Variants in GREB1 observed in about 807,000 individuals in gnomAD.
GREB1 encodes growth regulating estrogen receptor binding 1.
Under a neutral mutation model 200.7 loss-of-function variants are expected in GREB1, and 106 were observed. The ratio of observed to expected loss-of-function variants is 0.53; its 90% CI spans 0.45 to 0.62. GREB1 has a LOEUF of 0.62. GREB1 is among the 20% of genes least tolerant of loss of function. The pLI, the probability that GREB1 is intolerant of heterozygous loss-of-function variation, is 0.00. For synonymous variants in GREB1, 1,132 were observed against 1,092.4 expected, an observed-to-expected ratio of 1.04 and a Z score of -0.72; for missense variants, 2,243 against 2,556.8, an observed-to-expected ratio of 0.88 and a Z score of 2.65.
intron 25 of GREB1, among the ~76,000 whole-genome samples, chr2:11,628,111 G>A (rs1572193422): frequency 1.3e-5 from 2 of 152,190 alleles, no homozygotes; most frequent in African/African-American, 2.4e-5. Flanking sequence ...GGGGAGGAAC[G>A]AGGACTCTCT....
At position 11,585,168 on chromosome 2, in the gene GREB1, G is replaced by A. The variant is rs144245281; in HGVS notation, c.909G>A (p.Leu303=). ...ALPRPSALGI[L]SNSGPPKKRH... ...ACTCTGAATATTGTCTAGGTATCTTGTCAAACTCCGGGCCCCCCAAAAAAC... is the reference window on the plus strand; with the variant it reads ...ACTCTGAATATTGTCTAGGTATCTTATCAAACTCCGGGCCCCCCAAAAAAC... The change falls in exon 8 of 33, where the codon TTG becomes TTA. Residue 303 remains leucine (L), a synonymous_variant. Transcript: ENST00000381486. 2,606 of 1,562,232 alleles carry A rather than the reference G, an allele frequency of 1.7e-3. 4 individuals carry two copies. The highest frequency in any genetic ancestry group is 2.1e-3 in the Non-Finnish European group (2,422 of 1,157,002).
rs756303301 is a variant in GREB1 at position 11,640,242 on chromosome 2, G to A, written c.5687-49G>A. 6.4e-7 allele frequency: 1 copy of A among 1,570,766 alleles called. No individual in the cohort carries two copies. The highest frequency in any genetic ancestry group is 1.9e-5 in the Admixed American group (1 of 53,182). On this transcript the variant is annotated intron_variant, in intron 32 of 32. Transcript: ENST00000381486. The surrounding 1 kb of genome is among the most constrained non-coding windows in gnomAD (Gnocchi z 4.6). ...AGAATCCGGGCAGCCGCTTTCCTCT[G>A]GATAAACTCACCTTTTCCCTTCCCA...
In GREB1 at chr2:11,635,452, C is replaced by T. The variant is rs372671389; in HGVS notation, c.5346+47C>T. ...AGGCCTCTATGTCCACCGCCTGGGCCGCCCTGGCACACACACTGAGGGTAG... is the reference window on the plus strand; with the variant it reads ...AGGCCTCTATGTCCACCGCCTGGGCTGCCCTGGCACACACACTGAGGGTAG... On this transcript the variant is annotated intron_variant, in intron 30 of 32. Transcript: ENST00000381486. 176 of 1,560,764 alleles carry T rather than the reference C, an allele frequency of 1.1e-4. 1 individual carries two copies. Among genetic ancestry groups the T allele is most frequent in the East Asian group, 5.2e-4 (23 of 44,392 alleles).
chr2:11,520,425 A>C (rs1438198668), intron 1 of GREB1, among the ~76,000 whole-genome samples: 1 of 152,078 alleles, frequency 6.6e-6, no homozygotes, highest in Non-Finnish European at 1.5e-5. Flanking sequence ...CTCCAGGAGG[A>C]ATCTGTTTCC....
In GREB1 at chr2:11,600,517, C is replaced by T. The variant is rs554790240; in HGVS notation, c.2334-283C>T. On this transcript the variant is annotated intron_variant, in intron 15 of 32. Coordinates refer to ENST00000381486, the MANE Select transcript of GREB1 (RefSeq NM_014668.4). ...ATGGAACATCCCCAGGGTCATATCA[C>T]TGTCCGATTGGGATAGAAGGAGTGT... is the stretch of plus-strand genomic sequence containing the variant. Among the ~76,000 whole-genome samples, 3 of 152,328 alleles carry T rather than the reference C, an allele frequency of 2.0e-5. No homozygotes were observed. In the South Asian group the frequency reaches 6.2e-4, roughly 32 times the overall value.
intron 20 of GREB1, among the ~76,000 whole-genome samples, chr2:11,616,264 T>A (rs1270082713): frequency 1.3e-5 from 2 of 152,198 alleles, no homozygotes; most frequent in African/African-American, 4.8e-5. Context: ...TTTTCCTTTC[T>A]CTACTTTACC....
intron 21 of GREB1, among the ~76,000 whole-genome samples, chr2:11,617,649 C>T (rs763921765): frequency 3.3e-5 from 5 of 152,152 alleles, no homozygotes; most frequent in South Asian, 2.1e-4. Context: ...CCTTAAGGGC[C>T]GAGAGGCTCA....
intron 1 of GREB1, among the ~76,000 whole-genome samples, chr2:11,547,232 C>A (rs780922237): frequency 1.3e-5 from 2 of 152,204 alleles, no homozygotes; most frequent in Non-Finnish European, 2.9e-5. Context: ...CATGAGCCAC[C>A]GTGCTCGGCT....
chr2:11,618,485 C>G lies in GREB1; in HGVS notation c.3610C>G (p.Leu1204Val). Residue 1204 changes from leucine to valine, a missense_variant, in exon 22 of 33, where the codon CTC (leucine) becomes GTC (valine). Physicochemically the swap from Leu to Val is conservative, Grantham distance 32. Transcript: ENST00000381486. Reference sequence around the variant, plus strand: ...GCCGACGCCCCAGCCCGACTGTAGCCTCAGGACCGGCCAGAGGAGCGTCCA... The same window carrying G: ...GCCGACGCCCCAGCCCGACTGTAGCGTCAGGACCGGCCAGAGGAGCGTCCA... ...PGPTPQPDCS[L>V]RTGQRSVQVS... The G allele has an allele frequency of 6.2e-7, 1 of 1,609,838 alleles. No individual in the cohort carries two copies. Among genetic ancestry groups the G allele is most frequent in the Non-Finnish European group, 8.5e-7 (1 of 1,178,770 alleles).
At chr2:11,591,908 A>G (rs1277032255) in intron 10 of GREB1, 1 of 595,700 alleles carries the variant, frequency 1.7e-6, no homozygotes, top group East Asian at 1.4e-4. Flanking sequence ...ATGGTTAAGG[A>G]AAGAATGCAA....
Position 11,640,232 on chromosome 2 carries a change from G to T in GREB1, c.5687-59G>T. 1 of 1,530,956 alleles carries T rather than the reference G, an allele frequency of 6.5e-7. No individual in the cohort carries two copies. Among genetic ancestry groups the T allele is most frequent in the Non-Finnish European group, 8.8e-7 (1 of 1,132,462 alleles). The allele number at this position is 1,530,956 out of a possible 1,614,324, so 94.8% of individuals were successfully genotyped here. On this transcript the variant is annotated intron_variant, in intron 32 of 32. Coordinates refer to ENST00000381486, the MANE Select transcript of GREB1 (RefSeq NM_014668.4). The surrounding 1 kb of genome is among the most constrained non-coding windows in gnomAD (Gnocchi z 4.6). Reference sequence around the variant, plus strand: ...CATTGCAAGTAGAATCCGGGCAGCCGCTTTCCTCTGGATAAACTCACCTTT... The same window carrying T: ...CATTGCAAGTAGAATCCGGGCAGCCTCTTTCCTCTGGATAAACTCACCTTT...
intron 22 of GREB1, among the ~76,000 whole-genome samples, chr2:11,619,235 A>C (rs1207536882): frequency 1.3e-5 from 2 of 152,216 alleles, no homozygotes; most frequent in Non-Finnish European, 2.9e-5. Context: ...ACAAATAGAA[A>C]CAAAACTCTG....
At chr2:11,498,618 G>A (rs953344957) in intron 1 of GREB1, among the ~76,000 whole-genome samples, 9 of 152,218 alleles carry the variant, frequency 5.9e-5, no homozygotes, top group Non-Finnish European at 1.0e-4. Context: ...GGACAGCCAA[G>A]CTGGCCAGGT....
At chr2:11,571,561 C>T (rs1027121782) in intron 4 of GREB1, among the ~76,000 whole-genome samples, 2 of 152,180 alleles carry the variant, frequency 1.3e-5, no homozygotes, top group South Asian at 4.1e-4. Flanking sequence ...TTTATAAACT[C>T]GAAAATGCTG....
At chr2:11,608,143 A>G (rs1407638275) in intron 17 of GREB1, among the ~76,000 whole-genome samples, 1 of 152,200 alleles carries the variant, frequency 6.6e-6, no homozygotes, top group Non-Finnish European at 1.5e-5. Flanking sequence ...TGTGGCTGGC[A>G]GGGCAAGGTC....
At chr2:11,566,722 C>CA in intron 4 of GREB1, 66 bp downstream of exon 4, 1 of 1,422,158 alleles carries the variant, frequency 7.0e-7, no homozygotes, top group Non-Finnish European at 9.4e-7. Flanking sequence ...CAAGGGAGGT[C>CA]ACGGCGGGGG....
chr2:11,609,242 T>TTTATTTTA lies in GREB1; in HGVS notation c.2667-1444_2667-1443insATTTTATT, dbSNP rs1553374319. ...CTTTCTTTCTTCCTGGGCATTATTA[T>TTTATTTTA]TTTATTTATTTATTTATTTATTTAT... On this transcript the variant is annotated intron_variant, in intron 17 of 32. Coordinates refer to ENST00000381486, the MANE Select transcript of GREB1 (RefSeq NM_014668.4). Among the ~76,000 whole-genome samples, 29 of 136,918 alleles carry TTTATTTTA rather than the reference T, an allele frequency of 2.1e-4. No homozygotes were observed. The South Asian group carries it at 6.8e-3, about 32-fold the overall frequency. The allele number at this position is 136,918 out of a possible 152,430, so 89.8% of individuals were successfully genotyped here.
At chr2:11,585,639 G>C in intron 8 of GREB1, 123 bp from the exon 9 acceptor site, 1 of 997,476 alleles carries the variant, frequency 1.0e-6, no homozygotes, top group Non-Finnish European at 1.5e-6. Flanking sequence ...CTAAGAGTTT[G>C]GTGCTCCTGT....
At chr2:11,554,729 C>G (rs1319144551) in intron 1 of GREB1, among the ~76,000 whole-genome samples, 1 of 152,206 alleles carries the variant, frequency 6.6e-6, no homozygotes, top group Non-Finnish European at 1.5e-5. Flanking sequence ...GTTGAATAAT[C>G]TGATTGATTT....
Sources: gnomAD v4.1 joint callset for allele counts (sites outside exome capture counted in the v4.1 genomes callset) on GRCh38, gnomAD v4.1.1 for gene constraint, Gnocchi (gnomAD v3.1) non-coding constraint, MANE v1.5 for transcripts, NCBI Gene and HGNC (gene_info 2026-07-23, HGNC 2026-07-21) for gene names.